Variants in PRP4K observed in about 807,000 individuals in gnomAD.
The protein encoded by PRP4K is serine/threonine-protein kinase PRP4 homolog.
chr6:4,023,862 T>C, the PRP4K span, among the ~76,000 whole-genome samples: 1 of 136,752 alleles, frequency 7.3e-6, no homozygotes, highest in Non-Finnish European at 1.5e-5. Flanking sequence ...TATGACACCA[T>C]GCCCAGCTAA....
chr6:4,026,090 C>T, the PRP4K span, among the ~76,000 whole-genome samples: 2 of 152,186 alleles, frequency 1.3e-5, no homozygotes, highest in Non-Finnish European at 2.9e-5. Flanking sequence ...CAACCTCCGC[C>T]TCCTGGGTTC....
the PRP4K span, among the ~76,000 whole-genome samples, chr6:4,047,901 TACAC>T: frequency 0.36 from 51,666 of 141,718 alleles, 10,164 homozygotes; most frequent in Admixed American, 0.46. Flanking sequence ...CATGTATATG[TACAC>T]ACACACACAC....
chr6:4,029,339 ATTTTTTTT>A, the PRP4K span, among the ~76,000 whole-genome samples: 4 of 117,492 alleles, frequency 3.4e-5, no homozygotes, highest in African/African-American at 1.3e-4. Context: ...GTGTTACTCA[ATTTTTTTT>A]TTTTTTTTTT....
At chr6:4,053,637 A>G in the PRP4K span, among the ~76,000 whole-genome samples, 1 of 152,144 alleles carries the variant, frequency 6.6e-6, no homozygotes, top group Admixed American at 6.5e-5. Context: ...TAATGCACAC[A>G]CACACTCCTC....
At chr6:4,049,300 A>C in the PRP4K span, 1 of 559,952 alleles carries the variant, frequency 1.8e-6, no homozygotes, top group South Asian at 2.5e-5. Context: ...TCACAAATGG[A>C]GTGAGGTAAA....
the PRP4K span, among the ~76,000 whole-genome samples, chr6:4,048,750 A>G: frequency 6.7e-6 from 1 of 148,662 alleles, no homozygotes. Context: ...TTTGTTTTTT[A>G]ATTTTTAGTA....
chr6:4,029,994 G>A, the PRP4K span, among the ~76,000 whole-genome samples: 1 of 150,916 alleles, frequency 6.6e-6, no homozygotes, highest in African/African-American at 2.4e-5. Context: ...CCAGGCTGGA[G>A]TGCAATGGCG....
chr6:4,047,120 T>G, the PRP4K span: 1 of 1,462,444 alleles, frequency 6.8e-7, no homozygotes, highest in Non-Finnish European at 9.6e-7. Flanking sequence ...TTCACTTATT[T>G]TGTGTTTTAA....
chr6:4,056,139 A>G, the PRP4K span, among the ~76,000 whole-genome samples: 2 of 152,194 alleles, frequency 1.3e-5, no homozygotes, highest in African/African-American at 4.8e-5. Context: ...TGAATATTTG[A>G]TACATATTAA....
At chr6:4,047,496 C>T in the PRP4K span, among the ~76,000 whole-genome samples, 8 of 152,162 alleles carry the variant, frequency 5.3e-5, no homozygotes, top group Non-Finnish European at 2.9e-5. Context: ...ATAAACATGT[C>T]ATTTGTACAG....
the PRP4K span, among the ~76,000 whole-genome samples, chr6:4,034,801 C>T: frequency 2.6e-5 from 4 of 151,794 alleles, no homozygotes; most frequent in African/African-American, 9.7e-5. Context: ...CAACCTCTGC[C>T]TCCTGGGTTC....
At chr6:4,021,528 A>C in the PRP4K span, 1 of 1,552,996 alleles carries the variant, frequency 6.4e-7, no homozygotes, top group Non-Finnish European at 8.7e-7. Flanking sequence ...TGGGAGCTGC[A>C]CGGGGTGGCG....
the PRP4K span, among the ~76,000 whole-genome samples, chr6:4,046,518 G>A: frequency 6.6e-6 from 1 of 152,128 alleles, no homozygotes; most frequent in Admixed American, 6.5e-5. Context: ...TAGATCTATA[G>A]TTGAAATATT....
the PRP4K span, among the ~76,000 whole-genome samples, chr6:4,041,146 C>T: frequency 6.6e-6 from 1 of 152,086 alleles, no homozygotes; most frequent in Non-Finnish European, 1.5e-5. Flanking sequence ...CTGGAGTGAA[C>T]ATTGGGCCTT....
the PRP4K span, among the ~76,000 whole-genome samples, chr6:4,046,698 G>A: frequency 5.0e-4 from 73 of 145,992 alleles, no homozygotes; most frequent in African/African-American, 1.8e-3. Flanking sequence ...CAATTCTGTC[G>A]CCCAGGTGGA....
the PRP4K span, chr6:4,062,867 C>T: frequency 1.3e-5 from 2 of 152,518 alleles, no homozygotes; most frequent in Non-Finnish European, 2.9e-5. This position sits in a 1 kb window ranked among gnomAD's most constrained non-coding sequence, Gnocchi z 4.2. Flanking sequence ...TTATTTATTT[C>T]GGTGATAATA....
At chr6:4,038,165 A>T in the PRP4K span, among the ~76,000 whole-genome samples, 1 of 152,184 alleles carries the variant, frequency 6.6e-6, no homozygotes. Flanking sequence ...AATGAATATA[A>T]TTTTTAAGAA....
At chr6:4,032,476 A>T in the PRP4K span, 3 of 1,614,040 alleles carry the variant, frequency 1.9e-6, no homozygotes, top group Non-Finnish European at 2.5e-6. Flanking sequence ...TCTGAAACTG[A>T]TAAAGAAAAG....
the PRP4K span, among the ~76,000 whole-genome samples, chr6:4,054,549 C>G: frequency 8.5e-5 from 13 of 152,242 alleles, no homozygotes; most frequent in Non-Finnish European, 1.5e-4. Flanking sequence ...GCCCTGTTAC[C>G]AGGCTGGAGT....
Sources: allele counts gnomAD v4.1 joint callset (sites outside exome capture counted in the v4.1 genomes callset), GRCh38; gene constraint gnomAD v4.1.1; non-coding constraint Gnocchi (gnomAD v3.1); transcripts MANE v1.5; gene names NCBI Gene and HGNC (gene_info 2026-07-23, HGNC 2026-07-21).